Variants in SPAG16 observed in about 807,000 individuals in gnomAD.
SPAG16 encodes sperm associated antigen 16.
A neutral mutation model predicts 80.4 loss-of-function variants in SPAG16; 86 were observed. The observed-to-expected ratio is 1.07, with a 90% CI of 0.90 to 1.28. The LOEUF (loss-of-function observed/expected upper bound fraction) is 1.28, where lower values mean the gene tolerates loss of function less well. Ranked by LOEUF, SPAG16 falls within the 50% of genes most tolerant of loss-of-function variation. SPAG16 has a pLI of 0.00. For missense variants in SPAG16, 870 were observed against 765.3 expected, an observed-to-expected ratio of 1.14 and a Z score of -1.61; for synonymous variants, 294 against 265.9, an observed-to-expected ratio of 1.11 and a Z score of -1.03.
chr2:213,987,573 G>A (rs1469237428), intron 12 of SPAG16, among the ~76,000 whole-genome samples: 1 of 151,708 alleles, frequency 6.6e-6, no homozygotes, highest in Non-Finnish European at 1.5e-5. Flanking sequence ...TCCATTTTTA[G>A]CTTTCTGGCT....
At chr2:213,635,494 G>C (rs528306711) in intron 10 of SPAG16, among the ~76,000 whole-genome samples, 3 of 152,138 alleles carry the variant, frequency 2.0e-5, no homozygotes, top group African/African-American at 4.8e-5. Flanking sequence ...TCTCCATACT[G>C]TTTTCCATAC....
chr2:213,719,257 C>G (rs1013654978), intron 10 of SPAG16, among the ~76,000 whole-genome samples: 1 of 151,776 alleles, frequency 6.6e-6, no homozygotes. Context: ...CTTGGAGAAC[C>G]TTTATGTCTA....
intron 10 of SPAG16, among the ~76,000 whole-genome samples, chr2:213,722,559 A>G (rs2066576039): frequency 6.6e-6 from 1 of 152,210 alleles, no homozygotes; most frequent in Admixed American, 6.5e-5. Context: ...GTCAAACTAT[A>G]CGGCCTTCAG....
At chr2:213,643,615 C>G (rs1246801405) in intron 10 of SPAG16, among the ~76,000 whole-genome samples, 4 of 149,774 alleles carry the variant, frequency 2.7e-5, no homozygotes, top group Non-Finnish European at 5.9e-5. Flanking sequence ...ATCTCTTTTT[C>G]TACTTCCTCT....
intron 13 of SPAG16, among the ~76,000 whole-genome samples, chr2:214,067,794 G>A (rs562312108): frequency 6.6e-6 from 1 of 152,084 alleles, no homozygotes; most frequent in South Asian, 2.1e-4. Context: ...ATGTCATTGT[G>A]GTTTCTTTAT....
intron 5 of SPAG16, among the ~76,000 whole-genome samples, chr2:213,323,287 A>G (rs1465018241): frequency 2.0e-5 from 3 of 152,110 alleles, no homozygotes; most frequent in South Asian, 2.1e-4. Context: ...AAAAAATACA[A>G]AAAATTAGCC....
intron 10 of SPAG16, among the ~76,000 whole-genome samples, chr2:213,700,714 T>C (rs1451791276): frequency 6.6e-6 from 1 of 152,254 alleles, no homozygotes; most frequent in East Asian, 1.9e-4. Context: ...AAAATGAGTG[T>C]TATTCATTGA....
chr2:214,206,128 G>A (rs557335335), intron 15 of SPAG16, among the ~76,000 whole-genome samples: 3 of 152,174 alleles, frequency 2.0e-5, no homozygotes, highest in Admixed American at 6.5e-5. Context: ...CCCAGGAGGC[G>A]GAGTTTGCAG....
intron 10 of SPAG16, among the ~76,000 whole-genome samples, chr2:213,513,666 A>G (rs566124112): frequency 2.0e-5 from 3 of 152,322 alleles, no homozygotes; most frequent in Non-Finnish European, 4.4e-5. Flanking sequence ...AGCTAGATGC[A>G]AGGAAGACTG....
At chr2:213,560,487 T>C (rs1179273356) in intron 10 of SPAG16, among the ~76,000 whole-genome samples, 1 of 152,090 alleles carries the variant, frequency 6.6e-6, no homozygotes, top group African/African-American at 2.4e-5. Flanking sequence ...TTTTATAATT[T>C]TAATATAGGG....
intron 10 of SPAG16, among the ~76,000 whole-genome samples, chr2:213,676,290 A>G (rs993449664): frequency 1.3e-5 from 2 of 152,142 alleles, no homozygotes; most frequent in African/African-American, 4.8e-5. Context: ...GGGATGAGAC[A>G]ATGGGGTTTT....
At chr2:213,994,991 A>G (rs1055745502) in intron 12 of SPAG16, among the ~76,000 whole-genome samples, 2 of 152,190 alleles carry the variant, frequency 1.3e-5, no homozygotes, top group Non-Finnish European at 2.9e-5. Flanking sequence ...AGATTTAATT[A>G]TGGTATTTAT....
At chr2:214,247,479 T>C (rs1689931717) in intron 15 of SPAG16, among the ~76,000 whole-genome samples, 1 of 152,178 alleles carries the variant, frequency 6.6e-6, no homozygotes, top group Non-Finnish European at 1.5e-5. Context: ...AGATGGTCAG[T>C]AAATGTTTGC....
At chr2:213,344,848 C>T (rs2064884826) in intron 6 of SPAG16, among the ~76,000 whole-genome samples, 2 of 152,168 alleles carry the variant, frequency 1.3e-5, no homozygotes, top group Admixed American at 1.3e-4. Flanking sequence ...ATAACGTGTG[C>T]ATGTGTATTT....
chr2:213,705,892 C>T (rs1284626565), intron 10 of SPAG16, among the ~76,000 whole-genome samples: 6 of 151,994 alleles, frequency 3.9e-5, no homozygotes, highest in Non-Finnish European at 8.8e-5. Context: ...ATGCAAATCC[C>T]ATATGGGATT....
intron 14 of SPAG16, among the ~76,000 whole-genome samples, chr2:214,125,237 A>G (rs912412751): frequency 6.6e-6 from 1 of 151,482 alleles, no homozygotes; most frequent in Admixed American, 6.8e-5. Context: ...TTGATACTGG[A>G]ATTGGCTGCA....
intron 10 of SPAG16, among the ~76,000 whole-genome samples, chr2:213,494,151 C>G (rs1474075068): frequency 6.6e-6 from 1 of 152,214 alleles, no homozygotes; most frequent in Non-Finnish European, 1.5e-5. Flanking sequence ...CTGCTCCTCT[C>G]TGGCCAGATT....
At chr2:213,446,805 TGTTACTATGG>T (rs1478825016) in intron 9 of SPAG16, among the ~76,000 whole-genome samples, 1 of 152,170 alleles carries the variant, frequency 6.6e-6, no homozygotes, top group Non-Finnish European at 1.5e-5. Context: ...CTGCATTTAA[TGTTACTATGG>T]GTTATAAATA....
chr2:214,240,988 G>A (rs1689424985), intron 15 of SPAG16: 1 of 152,062 alleles, frequency 6.6e-6, no homozygotes, highest in South Asian at 2.1e-4. Flanking sequence ...TATGAAATAT[G>A]AGTAACGGTA....
Sources: gnomAD v4.1 joint callset for allele counts (sites outside exome capture counted in the v4.1 genomes callset) on GRCh38, gnomAD v4.1.1 for gene constraint, MANE v1.5 for transcripts, NCBI Gene and HGNC (gene_info 2026-07-23, HGNC 2026-07-21) for gene names.